Variants in TMEM132C observed in about 807,000 individuals in gnomAD.
The protein encoded by TMEM132C is transmembrane protein 132C.
Under a neutral mutation model 61.4 loss-of-function variants are expected in TMEM132C, and 29 were observed. That is an observed-to-expected ratio of 0.47 (90% CI 0.35 to 0.64). The LOEUF (loss-of-function observed/expected upper bound fraction) is 0.64. Among genes scored for constraint, TMEM132C ranks in the 30% least tolerant of loss-of-function variants. The pLI, the probability that TMEM132C is intolerant of heterozygous loss-of-function variation, is 0.00. For missense variants in TMEM132C, 1,408 were observed against 1,476.9 expected (o/e 0.95, Z 0.76); for synonymous variants, 656 against 633.1 (o/e 1.04, Z -0.54).
intron 1 of TMEM132C, among the ~76,000 whole-genome samples, chr12:128,318,709 G>A (rs923880763): frequency 2.0e-5 from 3 of 152,146 alleles, no homozygotes; most frequent in African/African-American, 7.2e-5. Flanking sequence ...TTAATTGACA[G>A]GAGACACTTA....
At chr12:128,628,816 A>G (rs1325786220) in intron 4 of TMEM132C, among the ~76,000 whole-genome samples, 1 of 152,202 alleles carries the variant, frequency 6.6e-6, no homozygotes, top group Non-Finnish European at 1.5e-5. Flanking sequence ...CTCCGTGAAT[A>G]CCTGTTGCCT....
intron 4 of TMEM132C, among the ~76,000 whole-genome samples, chr12:128,618,408 A>C (rs1876878399): frequency 6.6e-6 from 1 of 152,240 alleles, no homozygotes. Context: ...AATTCAAACA[A>C]GCTTTATTCA....
chr12:128,368,218 A>C (rs1185489320), intron 1 of TMEM132C, among the ~76,000 whole-genome samples: 2 of 152,228 alleles, frequency 1.3e-5, no homozygotes, highest in Admixed American at 6.5e-5. Flanking sequence ...TCTGCATAGC[A>C]GCTTGCAGCT....
intron 3 of TMEM132C, among the ~76,000 whole-genome samples, chr12:128,596,244 C>T (rs1037901163): frequency 7.2e-6 from 1 of 138,600 alleles, no homozygotes; most frequent in Non-Finnish European, 1.5e-5. Context: ...GGCAGGGCTT[C>T]ACTGATCCCA....
intron 3 of TMEM132C, among the ~76,000 whole-genome samples, chr12:128,609,304 G>T (rs1876546681): frequency 7.4e-6 from 1 of 134,914 alleles, no homozygotes; most frequent in South Asian, 2.5e-4. Context: ...CCGCCTCCCT[G>T]CAACCCTGCT....
At chr12:128,644,600 G>GAATCA (rs899435232) in intron 4 of TMEM132C, among the ~76,000 whole-genome samples, 3 of 152,222 alleles carry the variant, frequency 2.0e-5, no homozygotes, top group African/African-American at 7.2e-5. Context: ...GCTGGATTTT[G>GAATCA]AAGCACATAT....
chr12:128,689,764 G>C (rs930574653), intron 5 of TMEM132C, among the ~76,000 whole-genome samples: 1 of 152,174 alleles, frequency 6.6e-6, no homozygotes, highest in Admixed American at 6.5e-5. Context: ...GCAAGGAGTA[G>C]ATCTCACAGT....
Position 128,304,031 on chromosome 12 carries a change from A to G in TMEM132C, c.85+36544A>G, listed in dbSNP as rs571760267. Reference sequence around the variant, plus strand: ...TGTGATCCCAGCAGAACCCAGAATTATGAGCTAAATCGATGGCTATTGTTT... The same window carrying G: ...TGTGATCCCAGCAGAACCCAGAATTGTGAGCTAAATCGATGGCTATTGTTT... On this transcript the variant is annotated intron_variant, in intron 1 of 8. Transcript: ENST00000435159. Among the ~76,000 whole-genome samples the G allele has an allele frequency of 2.6e-5, 4 of 152,162 alleles. No individual in the cohort carries two copies. In the South Asian group the frequency reaches 8.3e-4, roughly 32 times the overall value.
chr12:128,669,804 G>T (rs1237385951), intron 5 of TMEM132C, among the ~76,000 whole-genome samples: 2 of 152,072 alleles, frequency 1.3e-5, no homozygotes, highest in Admixed American at 6.6e-5. Flanking sequence ...TAAAAATTGT[G>T]TGTGTGCATA....
intron 2 of TMEM132C, among the ~76,000 whole-genome samples, chr12:128,525,259 A>C (rs1193745837): frequency 6.6e-6 from 1 of 151,956 alleles, no homozygotes; most frequent in Non-Finnish European, 1.5e-5. Context: ...ATGAGCCATA[A>C]AGGGAAGTTT....
intron 1 of TMEM132C, among the ~76,000 whole-genome samples, chr12:128,276,939 TATC>T (rs575764375): frequency 6.8e-4 from 102 of 149,894 alleles, no homozygotes; most frequent in African/African-American, 2.3e-3. Context: ...TTTCTGGTCT[TATC>T]ATTGAGTTAC....
intron 5 of TMEM132C, among the ~76,000 whole-genome samples, chr12:128,693,223 G>A (rs1038397059): frequency 6.6e-6 from 1 of 152,164 alleles, no homozygotes; most frequent in Admixed American, 6.5e-5. Flanking sequence ...ATGCTGGGGA[G>A]GAAGGCACTA....
At chr12:128,356,897 A>G (rs1436067379) in intron 1 of TMEM132C, among the ~76,000 whole-genome samples, 1 of 152,214 alleles carries the variant, frequency 6.6e-6, no homozygotes, top group Non-Finnish European at 1.5e-5. Flanking sequence ...CCTTAAATAG[A>G]GATGAATCCC....
At chr12:128,562,645 G>A (rs1253212507) in intron 3 of TMEM132C, among the ~76,000 whole-genome samples, 1 of 152,176 alleles carries the variant, frequency 6.6e-6, no homozygotes, top group African/African-American at 2.4e-5. Context: ...TTCACCGGCT[G>A]CCTGGGCTGA....
At chr12:128,520,166 T>A (rs759631370) in intron 2 of TMEM132C, among the ~76,000 whole-genome samples, 20 of 152,312 alleles carry the variant, frequency 1.3e-4, no homozygotes, top group Admixed American at 5.9e-4. Context: ...TTCAGTGCTC[T>A]CAGAAGCACA....
intron 5 of TMEM132C, among the ~76,000 whole-genome samples, chr12:128,691,206 A>G (rs1954717008): frequency 6.6e-6 from 1 of 152,256 alleles, no homozygotes; most frequent in Non-Finnish European, 1.5e-5. Flanking sequence ...AATTAGCTTT[A>G]TGTGTATTCT....
At chr12:128,298,221 G>A (rs1193371) in intron 1 of TMEM132C, among the ~76,000 whole-genome samples, 128,159 of 152,072 alleles carry the variant, frequency 0.84, 54,534 homozygotes, top group Non-Finnish European at 0.9. Flanking sequence ...CATTGTTCCA[G>A]AAACTAACCC....
Position 128,415,518 on chromosome 12 carries a change from A to G in TMEM132C, c.872A>G (p.Asn291Ser). 1 of 1,551,500 alleles carries G rather than the reference A, an allele frequency of 6.4e-7. No homozygotes were observed. The highest frequency in any genetic ancestry group is 8.7e-7 in the Non-Finnish European group (1 of 1,146,988). The change falls in exon 2 of 9, where the codon AAC becomes AGC. Residue 291 changes from asparagine to serine, a missense_variant. Coordinates refer to ENST00000435159, the MANE Select transcript of TMEM132C (RefSeq NM_001136103.3). The surrounding 1 kb of genome is among the most constrained non-coding windows in gnomAD (Gnocchi z 5.8). ...AQLSELRLDG[N>S]VVIWLPSRPV... ...CTCAGCGAGCTGCGTTTGGATGGTAACGTGGTCATCTGGCTGCCTTCCAGG... is the reference window on the plus strand; with the variant it reads ...CTCAGCGAGCTGCGTTTGGATGGTAGCGTGGTCATCTGGCTGCCTTCCAGG...
chr12:128,468,949 C>A (rs57881840), intron 2 of TMEM132C, among the ~76,000 whole-genome samples: 10,990 of 152,124 alleles, frequency 0.072, 1,309 homozygotes, highest in African/African-American at 0.25. Flanking sequence ...ATGTGGGAAA[C>A]ATTGGACTTT....
Sources: allele counts gnomAD v4.1 joint callset (sites outside exome capture counted in the v4.1 genomes callset), GRCh38; gene constraint gnomAD v4.1.1; non-coding constraint Gnocchi (gnomAD v3.1); transcripts MANE v1.5; gene names NCBI Gene and HGNC (gene_info 2026-07-23, HGNC 2026-07-21).